The following C9orf57 variants were observed in gnomAD, a reference collection of about 807,000 sequenced individuals.
C9orf57 encodes uncharacterized protein C9orf57.
A neutral mutation model predicts 12.9 loss-of-function variants in C9orf57; 12 were observed. That is an observed-to-expected ratio of 0.93 (90% CI 0.60 to 1.51). The LOEUF is 1.51. C9orf57 is among the 40% of genes most tolerant of loss of function. C9orf57 has a pLI of 0.00. For missense variants in C9orf57, 141 were observed against 162.8 expected (o/e 0.87, Z 0.73); for synonymous variants, 49 against 57.1 (o/e 0.86, Z 0.64).
chr9:72,058,645 G>A (rs2132439261), intron 2 of C9orf57, among the ~76,000 whole-genome samples: 1 of 152,174 alleles, frequency 6.6e-6, no homozygotes, highest in Admixed American at 6.5e-5. Context: ...TTCATTGATG[G>A]CCCCAAAGAA....
At chr9:72,055,427 TCCTTCCTTCC>T in intron 4 of C9orf57, among the ~76,000 whole-genome samples, 1 of 125,730 alleles carries the variant, frequency 8.0e-6, no homozygotes, top group East Asian at 2.8e-4. Flanking sequence ...CTTCCTTCCT[TCCTTCCTTCC>T]TTTTCGAGAC....
chr9:72,059,471 A>G, intron 1 of C9orf57, 87 bp from the exon 2 acceptor site: 2 of 1,398,480 alleles, frequency 1.4e-6, no homozygotes, highest in Non-Finnish European at 1.9e-6. Flanking sequence ...CATTAAGACA[A>G]TATAAATAAG....
intron 4 of C9orf57, among the ~76,000 whole-genome samples, chr9:72,053,607 G>A (rs543299619): frequency 1.7e-3 from 261 of 152,282 alleles, no homozygotes; most frequent in African/African-American, 5.9e-3. Flanking sequence ...AGAAGGGGCT[G>A]TGACTAGCAG....
chr9:72,055,182 G>A (rs560206068), intron 4 of C9orf57, among the ~76,000 whole-genome samples: 99 of 151,654 alleles, frequency 6.5e-4, no homozygotes, highest in African/African-American at 2.3e-3. Context: ...AGCAATCCAC[G>A]CACCTCTGCC....
intron 2 of C9orf57, among the ~76,000 whole-genome samples, chr9:72,058,433 T>C (rs1824253465): frequency 6.6e-6 from 1 of 152,170 alleles, no homozygotes. Context: ...AGTGCTAGGA[T>C]TACAGGCGTG....
chr9:72,057,810 C>T (rs369850838), intron 2 of C9orf57, among the ~76,000 whole-genome samples: 1 of 152,148 alleles, frequency 6.6e-6, no homozygotes, highest in African/African-American at 2.4e-5. Context: ...TTTATTGCTT[C>T]ATTAATGTTT....
chr9:72,057,534 T>C lies in C9orf57; in HGVS notation c.98-691A>G, dbSNP rs1005122073. Reference sequence around the variant, plus strand: ...AGCCATCGCACCAGGCTAAAATTATTTTTTATTTTGAGAGTTTAATGAGGG... The same window carrying C: ...AGCCATCGCACCAGGCTAAAATTATCTTTTATTTTGAGAGTTTAATGAGGG... On this transcript the variant is annotated intron_variant, in intron 2 of 4. Transcript: ENST00000651200. Among the ~76,000 whole-genome samples, 9 of 152,114 alleles carry C rather than the reference T, an allele frequency of 5.9e-5. No homozygotes were observed. The East Asian group carries it at 1.7e-3, about 29-fold the overall frequency.
Position 72,056,063 on chromosome 9 carries a change from T to C in C9orf57, c.280+11A>G. On this transcript the variant is annotated intron_variant, in intron 4 of 4. Coordinates refer to ENST00000651200, the MANE Select transcript of C9orf57 (RefSeq NM_001128618.2). ...TATTTTAATTAAAATTTTTAAAGTGTCAAAACTTACCTTGAATGTGGACCT... is the reference window on the plus strand; with the variant it reads ...TATTTTAATTAAAATTTTTAAAGTGCCAAAACTTACCTTGAATGTGGACCT... 4.5e-6 allele frequency: 7 copies of C among 1,544,204 alleles called. No individual in the cohort carries two copies. Among genetic ancestry groups the C allele is most frequent in the Non-Finnish European group, 6.1e-6 (7 of 1,143,072 alleles).
chr9:72,056,941 C>G, intron 2 of C9orf57, 98 bp from the exon 3 acceptor site: 1 of 942,966 alleles, frequency 1.1e-6, no homozygotes, highest in Non-Finnish European at 1.6e-6. Flanking sequence ...CAGGGTTGCA[C>G]TCCTGTTACC....
intron 2 of C9orf57, 61 bp downstream of exon 2, chr9:72,059,174 C>G: frequency 1.3e-6 from 2 of 1,544,186 alleles, no homozygotes; most frequent in South Asian, 1.2e-5. Flanking sequence ...CCGCCACGCT[C>G]GGCCCTACAA....
intron 2 of C9orf57, among the ~76,000 whole-genome samples, chr9:72,057,101 G>T (rs190276083): frequency 1.0e-3 from 156 of 152,122 alleles, no homozygotes; most frequent in Non-Finnish European, 1.5e-3. Context: ...TAGTGGGGAG[G>T]ATGGGGTTTC....
chr9:72,057,547 AGT>A (rs1824235046), intron 2 of C9orf57, among the ~76,000 whole-genome samples: 1 of 152,110 alleles, frequency 6.6e-6, no homozygotes, highest in Non-Finnish European at 1.5e-5. Flanking sequence ...TTATTTTGAG[AGT>A]TTAATGAGGG....
intron 1 of C9orf57, among the ~76,000 whole-genome samples, chr9:72,059,859 C>T (rs1228913688): frequency 6.6e-6 from 1 of 152,038 alleles, no homozygotes; most frequent in Non-Finnish European, 1.5e-5. Context: ...AGTTCCAGAA[C>T]ATTTTAAGTT....
At chr9:72,052,665 A>G (rs1412614461) in intron 4 of C9orf57, among the ~76,000 whole-genome samples, 1 of 152,224 alleles carries the variant, frequency 6.6e-6, no homozygotes, top group African/African-American at 2.4e-5. Context: ...CTGTAAAACA[A>G]AAAAGCTTTC....
At position 72,055,969 on chromosome 9, in the gene C9orf57, C is replaced by T. The variant is rs542307716; in HGVS notation, c.280+105G>A. The T allele has an allele frequency of 2.2e-5, 27 of 1,211,262 alleles. No homozygotes were observed. The African/African-American group carries it at 3.7e-4, about 16-fold the overall frequency. 75.0% of individuals were successfully genotyped at this position (1,211,262 alleles called of 1,614,324 possible). On this transcript the variant is annotated intron_variant, in intron 4 of 4. Transcript: ENST00000651200. The stretch of plus-strand genomic sequence containing the variant: ...TCATTGTTTTGTTGGTGTAATGTAG[C>T]CCTGGCAAAGCCCTTAGTGTAGCAT...
rs374484909 is a variant in C9orf57, at chr9:72,058,882, A to AT, written c.97+352dup. Among the ~76,000 whole-genome samples, 856 of 146,800 alleles carry AT rather than the reference A, an allele frequency of 5.8e-3. 8 individuals are homozygous for AT. Among genetic ancestry groups the AT allele is most frequent in the African/African-American group, 0.019 (748 of 40,226 alleles). On this transcript the variant is annotated intron_variant, in intron 2 of 4. Coordinates refer to ENST00000651200, the MANE Select transcript of C9orf57 (RefSeq NM_001128618.2). ...ATTCATAATCAATGATCAATCAACA[A>AT]TTTTTTTTTTTTGAAACAGAGTTTC... is the stretch of plus-strand genomic sequence containing the variant.
In C9orf57 at chr9:72,051,641, C is replaced by T. The variant is rs919279527; in HGVS notation, c.*655G>A. ...GCTTAATCTGCCAAAATTGAACAAG[C>T]CAAAGCATTTAGGCATGGTTAAGGT... is the stretch of plus-strand genomic sequence containing the variant. On this transcript the variant is annotated 3_prime_UTR_variant, in exon 5 of 5. Transcript: ENST00000651200. 2.0e-5 allele frequency: 3 copies of T among 152,112 alleles called. No individual in the cohort carries two copies. Among genetic ancestry groups the T allele is most frequent in the African/African-American group, 7.2e-5 (3 of 41,398 alleles). The allele number at this position is 152,112 out of a possible 1,614,324, so 9.4% of individuals were successfully genotyped here.
At chr9:72,055,082 T>G (rs1371701573) in intron 4 of C9orf57, among the ~76,000 whole-genome samples, 2 of 150,084 alleles carry the variant, frequency 1.3e-5, no homozygotes, top group South Asian at 4.2e-4. Flanking sequence ...CAAGCCACCA[T>G]GCGCGACTAA....
chr9:72,060,612 C>CT lies in C9orf57; in HGVS notation c.-170dup. On this transcript the variant is annotated 5_prime_UTR_variant, in exon 1 of 5. Coordinates refer to ENST00000651200, the MANE Select transcript of C9orf57 (RefSeq NM_001128618.2). ...GTCCGTTACAACTGAAAGCGACACT[C>CT]TGATCCACTAGATTCCAAACAGTTT... The CT allele has an allele frequency of 6.8e-7, 1 of 1,470,636 alleles. No individual in the cohort carries two copies. Among genetic ancestry groups the CT allele is most frequent in the Non-Finnish European group, 9.2e-7 (1 of 1,086,568 alleles). 91.1% of individuals were successfully genotyped at this position (1,470,636 alleles called of 1,614,324 possible).
Sources: gnomAD v4.1 joint callset for allele counts (sites outside exome capture counted in the v4.1 genomes callset) on GRCh38, gnomAD v4.1.1 for gene constraint, MANE v1.5 for transcripts, NCBI Gene and HGNC (gene_info 2026-07-23, HGNC 2026-07-21) for gene names.